Variants in CDKL3 observed in about 807,000 individuals in gnomAD.
CDKL3 encodes cyclin dependent kinase like 3, also known as cyclin-dependent kinase-like 3.
CDKL3 carries 65 observed loss-of-function variants against 69.3 expected under a neutral mutation model. That is an observed-to-expected ratio of 0.94 (90% confidence interval 0.77 to 1.15). The LOEUF (loss-of-function observed/expected upper bound fraction) is 1.15, where lower values mean the gene tolerates loss of function less well. Among genes scored for constraint, CDKL3 ranks in the 50% most tolerant of loss-of-function variants. CDKL3 has a pLI of 0.00. For synonymous variants in CDKL3, 202 were observed against 221.6 expected (o/e 0.91, Z 0.79); for missense variants, 652 against 689.2 (o/e 0.95, Z 0.61).
intron 6 of CDKL3, among the ~76,000 whole-genome samples, chr5:134,313,069 T>A (rs1770006434): frequency 6.6e-6 from 1 of 152,226 alleles, no homozygotes; most frequent in African/African-American, 2.4e-5. Flanking sequence ...ATTCCTCCTG[T>A]GAAAGGAGGT....
At chr5:134,345,395 G>GA (rs1751610751) in intron 4 of CDKL3, among the ~76,000 whole-genome samples, 1 of 152,130 alleles carries the variant, frequency 6.6e-6, no homozygotes, top group African/African-American at 2.4e-5. Flanking sequence ...AGGTCACAAG[G>GA]AAAGTATCAG....
chr5:134,314,409 A>G (rs1770434871), intron 6 of CDKL3, among the ~76,000 whole-genome samples: 1 of 152,186 alleles, frequency 6.6e-6, no homozygotes, highest in Non-Finnish European at 1.5e-5. Flanking sequence ...AAAATTAAAC[A>G]TATGCCTACC....
intron 10 of CDKL3, among the ~76,000 whole-genome samples, chr5:134,305,127 T>A (rs1347331331): frequency 6.6e-6 from 1 of 151,730 alleles, no homozygotes; most frequent in Non-Finnish European, 1.5e-5. Flanking sequence ...TTATTATTAT[T>A]ATTATTAAGA....
chr5:134,326,051 G>A (rs558906396), intron 4 of CDKL3, among the ~76,000 whole-genome samples: 49 of 151,648 alleles, frequency 3.2e-4, no homozygotes, highest in African/African-American at 1.2e-3. Flanking sequence ...GGGATTACAG[G>A]CGTGAGCCAC....
chr5:134,363,500 G>A (rs576934314), intron 2 of CDKL3, among the ~76,000 whole-genome samples: 2 of 134,606 alleles, frequency 1.5e-5, no homozygotes, highest in African/African-American at 5.7e-5. Context: ...TCACTCTGTC[G>A]CCCAGACTGG....
At chr5:134,308,514 G>A in intron 8 of CDKL3, 48 bp from the exon 9 acceptor site, 1 of 1,550,438 alleles carries the variant, frequency 6.4e-7, no homozygotes, top group Non-Finnish European at 8.7e-7. Context: ...AGTTATTTTT[G>A]TCATTAGAGT....
At chr5:134,358,285 T>C (rs530455934) in intron 3 of CDKL3, among the ~76,000 whole-genome samples, 139 of 152,292 alleles carry the variant, frequency 9.1e-4, no homozygotes, top group Non-Finnish European at 1.8e-3. Context: ...TCTACTTCTA[T>C]TTTCACAATG....
intron 6 of CDKL3, among the ~76,000 whole-genome samples, chr5:134,316,267 C>T (rs577206442): frequency 1.1e-4 from 16 of 152,126 alleles, no homozygotes; most frequent in Non-Finnish European, 1.5e-4. Flanking sequence ...CTAGTAATTT[C>T]TCCTAAAAAA....
At chr5:134,294,391 A>G (rs1765255878), downstream of CDKL3, among the ~76,000 whole-genome samples, 1 of 152,200 alleles carries the variant, frequency 6.6e-6, no homozygotes, top group Non-Finnish European at 1.5e-5. Flanking sequence ...TAAGACCTAT[A>G]GCTAGCATCA....
intron 4 of CDKL3, among the ~76,000 whole-genome samples, chr5:134,335,159 G>A (rs1776758794): frequency 8.1e-6 from 1 of 124,178 alleles, no homozygotes; most frequent in Non-Finnish European, 1.7e-5. Flanking sequence ...TTTTTTTTCC[G>A]CTTTCCATTT....
At chr5:134,338,800 C>T (rs918529825) in intron 4 of CDKL3, among the ~76,000 whole-genome samples, 1 of 151,940 alleles carries the variant, frequency 6.6e-6, no homozygotes, top group Non-Finnish European at 1.5e-5. Flanking sequence ...AGCAAGAAAA[C>T]AACATGAGAC....
downstream of CDKL3, among the ~76,000 whole-genome samples, chr5:134,294,721 A>T (rs949789055): frequency 1.3e-5 from 2 of 152,172 alleles, no homozygotes; most frequent in Non-Finnish European, 2.9e-5. Context: ...AAGGAAAAAC[A>T]GAAACTTACC....
chr5:134,329,094 A>G (rs1380867499), intron 4 of CDKL3, among the ~76,000 whole-genome samples: 1 of 152,218 alleles, frequency 6.6e-6, no homozygotes, highest in African/African-American at 2.4e-5. Context: ...TAATCCCAGC[A>G]CATTTGAGGG....
chr5:134,323,611 TAATAAGATAAA>T (rs2149493604), intron 4 of CDKL3, among the ~76,000 whole-genome samples: 1 of 152,214 alleles, frequency 6.6e-6, no homozygotes, highest in Admixed American at 6.5e-5. Context: ...GGCAATTGAA[TAATAAGATAAA>T]AAAAAGACAG....
chr5:134,364,949 G>C (rs1034138944), intron 2 of CDKL3, among the ~76,000 whole-genome samples: 1 of 151,240 alleles, frequency 6.6e-6, no homozygotes, highest in African/African-American at 2.4e-5. Flanking sequence ...TGGGATTACA[G>C]GGGCGCGACA....
upstream of CDKL3, chr5:134,367,437 G>C (rs967009888): frequency 8.3e-6 from 8 of 959,476 alleles, no homozygotes; most frequent in East Asian, 3.6e-4. Flanking sequence ...CAGTGTCGCT[G>C]ATCTTGGCTC....
rs78483625 is a variant in CDKL3 at position 134,364,161 on chromosome 5, T to C, written c.165+2198A>G. Among the ~76,000 whole-genome samples the C allele has an allele frequency of 9.6e-3, 1,459 of 152,190 alleles. 79 individuals are homozygous for C. The highest frequency in any genetic ancestry group is 0.076 in the East Asian group (391 of 5,176). ...AATAGATTCCAATAAATAGAATACA[T>C]ACTTATTTAAATATTTTTAAAATCA... is the stretch of plus-strand genomic sequence containing the variant. On this transcript the variant is annotated intron_variant, in intron 2 of 12. Coordinates refer to ENST00000265334, the MANE Select transcript of CDKL3 (RefSeq NM_001113575.2).
intron 3 of CDKL3, among the ~76,000 whole-genome samples, chr5:134,357,267 A>C (rs1754850972): frequency 6.6e-6 from 1 of 151,968 alleles, no homozygotes; most frequent in South Asian, 2.1e-4. Flanking sequence ...AACACGGTGA[A>C]ACCCCGTCTC....
At chr5:134,329,472 T>C (rs1775218396) in intron 4 of CDKL3, among the ~76,000 whole-genome samples, 1 of 151,850 alleles carries the variant, frequency 6.6e-6, no homozygotes, top group South Asian at 2.1e-4. Flanking sequence ...TTTTTTATTT[T>C]ATTTATTTAT....
Sources: gnomAD v4.1 joint callset for allele counts (sites outside exome capture counted in the v4.1 genomes callset) on GRCh38, gnomAD v4.1.1 for gene constraint, MANE v1.5 for transcripts, NCBI Gene and HGNC (gene_info 2026-07-23, HGNC 2026-07-21) for gene names.